Variants in LDLRAD4 observed in about 807,000 individuals in gnomAD.
The protein encoded by LDLRAD4 is low-density lipoprotein receptor class A domain-containing protein 4.
In LDLRAD4, 5 loss-of-function variants were observed where a neutral mutation model predicts 17.0. The ratio of observed to expected loss-of-function variants is 0.29; its 90% CI spans 0.15 to 0.62. The LOEUF (loss-of-function observed/expected upper bound fraction) is 0.62. Among genes scored for constraint, LDLRAD4 ranks in the 20% least tolerant of loss-of-function variants. The pLI, the probability that LDLRAD4 is intolerant of heterozygous loss-of-function variation, is 0.84. For missense variants in LDLRAD4, 340 were observed against 424.7 expected (o/e 0.80, Z 1.75); for synonymous variants, 168 against 171.8 (o/e 0.98, Z 0.17).
chr18:13,461,054 T>C (rs1473625467), intron 3 of LDLRAD4: 1 of 150,396 alleles, frequency 6.6e-6, no homozygotes, highest in Non-Finnish European at 1.5e-5. Context: ...GTGAACACAG[T>C]GCCCACCTCA....
chr18:13,361,435 G>A (rs781243869), intron 1 of LDLRAD4, among the ~76,000 whole-genome samples: 1 of 152,188 alleles, frequency 6.6e-6, no homozygotes, highest in Non-Finnish European at 1.5e-5. Flanking sequence ...TATACTATAA[G>A]CATTCTGAGT....
chr18:13,243,064 G>C (rs1179169142), intron 1 of LDLRAD4, among the ~76,000 whole-genome samples: 1 of 152,262 alleles, frequency 6.6e-6, no homozygotes, highest in Non-Finnish European at 1.5e-5. Flanking sequence ...TCTTGGGGCT[G>C]TTTTGTATGC....
intron 3 of LDLRAD4, among the ~76,000 whole-genome samples, chr18:13,576,663 G>C (rs1320757570): frequency 6.6e-6 from 1 of 152,198 alleles, no homozygotes; most frequent in East Asian, 1.9e-4. Flanking sequence ...AATGTGGATT[G>C]TCTCTCTGTT....
intron 3 of LDLRAD4, among the ~76,000 whole-genome samples, chr18:13,531,820 G>A (rs1381423460): frequency 6.6e-6 from 1 of 152,126 alleles, no homozygotes; most frequent in Admixed American, 6.5e-5. Context: ...CAGAGACAGT[G>A]GAGGGGGTGA....
intron 1 of LDLRAD4, among the ~76,000 whole-genome samples, chr18:13,333,047 G>T (rs568546821): frequency 6.6e-6 from 1 of 152,150 alleles, no homozygotes; most frequent in Non-Finnish European, 1.5e-5. Context: ...ATAAATGAGA[G>T]TTCTGTTGCC....
At chr18:13,376,364 C>A (rs185305075) in intron 1 of LDLRAD4, among the ~76,000 whole-genome samples, 2 of 152,170 alleles carry the variant, frequency 1.3e-5, no homozygotes, top group Non-Finnish European at 2.9e-5. Context: ...GGCCCACGGT[C>A]GCTTAGATCA....
At chr18:13,250,115 C>T (rs137861149) in intron 1 of LDLRAD4, among the ~76,000 whole-genome samples, 1 of 152,264 alleles carries the variant, frequency 6.6e-6, no homozygotes, top group African/African-American at 2.4e-5. Context: ...TGTCAGAAAT[C>T]AGTTGGCTTG....
intron 3 of LDLRAD4, among the ~76,000 whole-genome samples, chr18:13,585,605 G>C (rs1247646397): frequency 6.6e-6 from 1 of 152,074 alleles, no homozygotes; most frequent in Admixed American, 6.5e-5. Context: ...AAGCACATTT[G>C]GTTTCCCACT....
At chr18:13,265,640 G>A (rs1158874033) in intron 1 of LDLRAD4, among the ~76,000 whole-genome samples, 3 of 152,212 alleles carry the variant, frequency 2.0e-5, no homozygotes, top group Admixed American at 6.5e-5. Context: ...TGGGGTGGCT[G>A]ATATCAGTCA....
In LDLRAD4 at chr18:13,233,576, C is replaced by G. The variant is rs554841766; in HGVS notation, c.-467+14588C>G. Among the ~76,000 whole-genome samples the G allele has an allele frequency of 1.7e-4, 26 of 152,242 alleles. No individual in the cohort carries two copies. In the South Asian group the frequency reaches 5.2e-3, roughly 30 times the overall value. ...AAAGATGTCTTTGAGTATTTGTTCCCCTTCCCTCCCTGGGTGATGCAGCCT... is the reference window on the plus strand; with the variant it reads ...AAAGATGTCTTTGAGTATTTGTTCCGCTTCCCTCCCTGGGTGATGCAGCCT... On this transcript the variant is annotated intron_variant, in intron 1 of 5. Transcript: ENST00000399848.
chr18:13,502,055 G>T (rs887711823), intron 3 of LDLRAD4, among the ~76,000 whole-genome samples: 1 of 152,238 alleles, frequency 6.6e-6, no homozygotes, highest in Non-Finnish European at 1.5e-5. Flanking sequence ...CTTGTGTAAC[G>T]CTGCAAATTC....
At chr18:13,304,041 TC>T (rs1230125956) in intron 1 of LDLRAD4, among the ~76,000 whole-genome samples, 1 of 152,120 alleles carries the variant, frequency 6.6e-6, no homozygotes, top group Non-Finnish European at 1.5e-5. Context: ...TTGAGTAGAG[TC>T]CTGCACCGCC....
At chr18:13,632,326 G>A (rs986365045) in intron 4 of LDLRAD4, among the ~76,000 whole-genome samples, 1 of 152,224 alleles carries the variant, frequency 6.6e-6, no homozygotes, top group Non-Finnish European at 1.5e-5. Flanking sequence ...GGCAAGCCAG[G>A]CACAGAATGG....
intron 1 of LDLRAD4, among the ~76,000 whole-genome samples, chr18:13,222,880 TA>T (rs1419426975): frequency 6.6e-6 from 1 of 152,242 alleles, no homozygotes; most frequent in Non-Finnish European, 1.5e-5. Context: ...GCCCAGGGCC[TA>T]AAGTATCTCA....
intron 3 of LDLRAD4, among the ~76,000 whole-genome samples, chr18:13,556,537 A>G (rs2094485793): frequency 6.6e-6 from 1 of 152,236 alleles, no homozygotes; most frequent in Admixed American, 6.5e-5. Context: ...TCATGAGCCC[A>G]GATCAAATAA....
intron 4 of LDLRAD4, chr18:13,642,606 C>T (rs569418350): frequency 2.4e-6 from 3 of 1,230,120 alleles, no homozygotes; most frequent in Admixed American, 8.4e-5. Context: ...CGTCCACCTG[C>T]GAGCGCGGAC....
At chr18:13,593,614 A>G (rs758671319) in intron 3 of LDLRAD4, among the ~76,000 whole-genome samples, 18 of 151,994 alleles carry the variant, frequency 1.2e-4, no homozygotes, top group Non-Finnish European at 2.5e-4. Flanking sequence ...TCCTATTTAT[A>G]TATCTGTCTA....
chr18:13,553,971 C>A (rs2094460037), intron 3 of LDLRAD4, among the ~76,000 whole-genome samples: 1 of 152,194 alleles, frequency 6.6e-6, no homozygotes, highest in Non-Finnish European at 1.5e-5. Flanking sequence ...CTGAGTGTCT[C>A]TGTGTAGCCC....
chr18:13,547,067 C>T (rs118038451), intron 3 of LDLRAD4, among the ~76,000 whole-genome samples: 8 of 152,274 alleles, frequency 5.3e-5, no homozygotes, highest in Non-Finnish European at 8.8e-5. Context: ...CAGTGGGCCC[C>T]GATGTTGACA....
Sources: gnomAD v4.1 joint callset for allele counts (sites outside exome capture counted in the v4.1 genomes callset) on GRCh38, gnomAD v4.1.1 for gene constraint, MANE v1.5 for transcripts, NCBI Gene and HGNC (gene_info 2026-07-23, HGNC 2026-07-21) for gene names.